The following MARK4 variants were observed in gnomAD, a reference collection of about 807,000 sequenced individuals.
MARK4 encodes the protein microtubule affinity regulating kinase 4.
In MARK4, 19 loss-of-function variants were observed where a neutral mutation model predicts 81.5. The ratio of observed to expected loss-of-function variants is 0.23; its 90% CI spans 0.16 to 0.34. The LOEUF is 0.34. Among genes scored for constraint, MARK4 ranks in the 10% least tolerant of loss-of-function variants. The pLI is 1.00. For synonymous variants in MARK4, 436 were observed against 439.0 expected (o/e 0.99, Z 0.08); for missense variants, 772 against 1,058.8 (o/e 0.73, Z 3.76).
At position 45,302,385 on chromosome 19, in the gene MARK4, C is replaced by T. The variant is rs202029642; in HGVS notation, c.1934C>T (p.Pro645Leu). 4.3e-6 allele frequency: 7 copies of T among 1,614,170 alleles called. No individual in the cohort carries two copies. The highest frequency in any genetic ancestry group is 3.3e-5 in the Admixed American group (2 of 60,022). Residue 645 changes from proline to leucine, a missense_variant, in exon 17 of 17, where the codon CCT becomes CTT. Around this residue, in one of 3 missense-constraint regions of MARK4, gnomAD observed 548 missense variants for 624.3 expected, o/e 0.88. Coordinates refer to ENST00000262891, the MANE Select transcript of MARK4 (RefSeq NM_001199867.2). This position sits in a 1 kb window ranked among gnomAD's most constrained non-coding sequence, Gnocchi z 4.9. ...GGPEVTSCHL[P>L]WDQTETAPRL... Reference sequence around the variant, plus strand: ...TCTTCTCGCCTCAGTTGCCATCTACCTTGGGATCAAACGGAAACCGCCCCC... The same window carrying T: ...TCTTCTCGCCTCAGTTGCCATCTACTTTGGGATCAAACGGAAACCGCCCCC...
At chr19:45,293,490 CAA>C (rs1970845093) in intron 13 of MARK4, among the ~76,000 whole-genome samples, 1 of 152,124 alleles carries the variant, frequency 6.6e-6, no homozygotes, top group African/African-American at 2.4e-5. Context: ...AAAACTGACA[CAA>C]GAAGAAATAG....
Position 45,280,654 on chromosome 19 carries a change from CCAGCAAAGGCACCAGCCA to C in MARK4, c.1206_1223del (p.Thr403_Gly408del). 1 of 1,614,166 alleles carries C rather than the reference CCAGCAAAGGCACCAGCCA, an allele frequency of 6.2e-7. No homozygotes were observed. The highest frequency in any genetic ancestry group is 8.5e-7 in the Non-Finnish European group (1 of 1,180,018). On this transcript the variant is annotated inframe_deletion, in exon 12 of 17. Coordinates refer to ENST00000262891, the MANE Select transcript of MARK4 (RefSeq NM_001199867.2). ...AGCGACACCACCAACGGAACAAGTT[CCAGCAAAGGCACCAGCCA>C]CAGCAAAGGGCAGCGGAGTTCCTCT... is the stretch of plus-strand genomic sequence containing the variant.
At chr19:45,265,825 C>T (rs772247528) in intron 6 of MARK4, among the ~76,000 whole-genome samples, 5 of 151,070 alleles carry the variant, frequency 3.3e-5, no homozygotes, top group African/African-American at 4.9e-5. Context: ...GTGAGGGTGC[C>T]GGGCATGTCG....
intron 13 of MARK4, among the ~76,000 whole-genome samples, chr19:45,291,597 A>T (rs1356817669): frequency 6.6e-6 from 1 of 152,160 alleles, no homozygotes; most frequent in Non-Finnish European, 1.5e-5. Flanking sequence ...CCTGGCTAAC[A>T]CGGTGAAACC....
At chr19:45,300,342 C>A (rs58442558) in intron 16 of MARK4, among the ~76,000 whole-genome samples, 2 of 10,890 alleles carry the variant, frequency 1.8e-4, no homozygotes, top group Admixed American at 2.2e-3. Flanking sequence ...GAAACTCCGT[C>A]TGAAAAAAAA....
At position 45,280,734 on chromosome 19, in the gene MARK4, TG is replaced by T. The variant is rs751860957; in HGVS notation, c.1276+1del. On this transcript the variant is annotated splice_donor_variant, in intron 12 of 16. Coordinates refer to ENST00000262891, the MANE Select transcript of MARK4 (RefSeq NM_001199867.2). LOFTEE classifies it high-confidence loss of function. ...CCGCCAGCGCAGGCATAGCGATTTC[TG>T]TGAGTATCAACCCCACGCCCTCACG... The T allele has an allele frequency of 6.2e-7, 1 of 1,614,116 alleles. No homozygotes were observed. The highest frequency in any genetic ancestry group is 1.7e-5 in the Admixed American group (1 of 60,010).
rs201439573 is a variant in MARK4 at position 45,263,125 on chromosome 19, A to G, written c.265A>G (p.Ile89Val). The G allele has an allele frequency of 5.3e-5, 85 of 1,607,126 alleles. No individual in the cohort carries two copies. The highest frequency in any genetic ancestry group is 2.7e-5 in the African/African-American group (2 of 74,832). The change falls in exon 3 of 17, where the codon ATT (isoleucine) becomes GTT (valine). Residue 89 changes from isoleucine (I) to valine (V), a missense_variant. This residue lies in a region of MARK4 where 115 missense variants were observed against 139.8 expected (regional missense o/e 0.82). Transcript: ENST00000262891. ...ILTGREVAIK[I>V]IDKTQLNPSS... ...CCTCCCCCTCTAGGTTGCCATCAAG[A>G]TTATCGACAAAACCCAGCTGAATCC...
chr19:45,258,270 C>T (rs1410592381), intron 1 of MARK4, among the ~76,000 whole-genome samples: 1 of 152,192 alleles, frequency 6.6e-6, no homozygotes, highest in African/African-American at 2.4e-5. Context: ...CAGGCCTGAG[C>T]CACTGCACCT....
chr19:45,299,898 T>G (rs1464313162), intron 16 of MARK4, 43 bp downstream of exon 16: 8 of 1,571,682 alleles, frequency 5.1e-6, no homozygotes, highest in Non-Finnish European at 6.9e-6. Flanking sequence ...TCCCCTCTCC[T>G]GCCTCAGCAC....
intron 12 of MARK4, among the ~76,000 whole-genome samples, chr19:45,281,629 G>A (rs1970676085): frequency 6.6e-6 from 1 of 151,296 alleles, no homozygotes; most frequent in South Asian, 2.1e-4. Context: ...AAGGTACTGG[G>A]ATTACAGGTG....
intron 12 of MARK4, among the ~76,000 whole-genome samples, chr19:45,283,212 C>T (rs1041492548): frequency 4.0e-5 from 6 of 151,790 alleles, no homozygotes; most frequent in Admixed American, 2.6e-4. Context: ...GAGTTCGAGA[C>T]CACTGGGCAA....
At chr19:45,260,890 C>T (rs1970372401) in intron 2 of MARK4, among the ~76,000 whole-genome samples, 1 of 152,176 alleles carries the variant, frequency 6.6e-6, no homozygotes. Context: ...TCTTCCAGAG[C>T]AGGCATCTGT....
At chr19:45,273,843 C>G (rs2098052) in intron 8 of MARK4, among the ~76,000 whole-genome samples, 15,744 of 152,270 alleles carry the variant, frequency 0.1, 899 homozygotes, top group Middle Eastern at 0.15. Flanking sequence ...ACCATCAAAG[C>G]GGAACCCTGA....
chr19:45,294,938 C>T (rs1356617222), intron 14 of MARK4, among the ~76,000 whole-genome samples: 1 of 152,058 alleles, frequency 6.6e-6, no homozygotes, highest in East Asian at 1.9e-4. Flanking sequence ...AGGACACTGC[C>T]CCCCACCAGG....
intron 8 of MARK4, among the ~76,000 whole-genome samples, chr19:45,272,510 C>G (rs987056783): frequency 6.6e-6 from 1 of 151,892 alleles, no homozygotes; most frequent in African/African-American, 2.4e-5. Flanking sequence ...TTACTGGTTG[C>G]CTGAGGCTGG....
intron 12 of MARK4, among the ~76,000 whole-genome samples, chr19:45,282,121 G>A (rs886949234): frequency 6.6e-6 from 1 of 151,766 alleles, no homozygotes; most frequent in Non-Finnish European, 1.5e-5. Flanking sequence ...TACTCGGGAG[G>A]CTGAAGCAGG....
intron 1 of MARK4, 131 bp from the exon 2 acceptor site, chr19:45,258,858 T>G: frequency 2.2e-6 from 2 of 916,946 alleles, no homozygotes; most frequent in Non-Finnish European, 3.2e-6. Context: ...GAAGGATGCT[T>G]GGCTCTCTGG....
Position 45,280,564 on chromosome 19 carries a change from T to C in MARK4, c.1117-11T>C, listed in dbSNP as rs370272463. 3 of 1,613,092 alleles carry C rather than the reference T, an allele frequency of 1.9e-6. No homozygotes were observed. Among genetic ancestry groups the C allele is most frequent in the Non-Finnish European group, 1.7e-6 (2 of 1,179,610 alleles). On this transcript the variant is annotated splice_polypyrimidine_tract_variant and intron_variant, in intron 11 of 16. Coordinates refer to ENST00000262891, the MANE Select transcript of MARK4 (RefSeq NM_001199867.2). ...GGGTGCAGAAGAGCCTCATCTGTCA[T>C]CCTCTCGCAGGAGGGTGGGGACCGG...
chr19:45,286,112 A>T (rs984207946), intron 12 of MARK4, among the ~76,000 whole-genome samples: 1 of 152,100 alleles, frequency 6.6e-6, no homozygotes, highest in East Asian at 1.9e-4. Flanking sequence ...CTGGAGTGCA[A>T]TGGTGTGATC....
Sources: gnomAD v4.1 joint callset for allele counts (sites outside exome capture counted in the v4.1 genomes callset) on GRCh38, gnomAD v4.1.1 for gene constraint, gnomAD v4.1.1 regional missense constraint, Gnocchi (gnomAD v3.1) non-coding constraint, MANE v1.5 for transcripts, NCBI Gene and HGNC (gene_info 2026-07-23, HGNC 2026-07-21) for gene names.